The following IRAG2 variants were observed in gnomAD, a reference collection of about 807,000 sequenced individuals.
IRAG2 encodes inositol 1,4,5-triphosphate receptor associated 2, also known as lymphoid restricted membrane protein.
IRAG2 carries 45 observed loss-of-function variants against 69.9 expected under a neutral mutation model. The ratio of observed to expected loss-of-function variants is 0.64; its 90% CI spans 0.51 to 0.83. The LOEUF (loss-of-function observed/expected upper bound fraction) is 0.83. Among genes scored for constraint, IRAG2 ranks in the 40% least tolerant of loss-of-function variants. The pLI, the probability that IRAG2 is intolerant of heterozygous loss-of-function variation, is 0.00. For missense variants in IRAG2, 520 were observed against 587.0 expected (o/e 0.89, Z 1.18); for synonymous variants, 193 against 202.4 (o/e 0.95, Z 0.40).
At chr12:25,055,045 A>G (rs1016095557) in intron 1 of IRAG2, among the ~76,000 whole-genome samples, 1 of 152,222 alleles carries the variant, frequency 6.6e-6, no homozygotes, top group Non-Finnish European at 1.5e-5. Flanking sequence ...GCTTTTCTGA[A>G]ACTCTCTGGC....
chr12:25,108,008 A>G lies in IRAG2; in HGVS notation c.1448A>G (p.His483Arg), dbSNP rs748286354. Residue 483 changes from histidine to arginine, a missense_variant, in exon 22 of 22, where the codon CAT becomes CGT. His to Arg is a conservative substitution (Grantham distance 29). Coordinates refer to ENST00000556887, the MANE Select transcript of IRAG2 (RefSeq NM_001366544.2). ...QQEDSWTSLE[H>R]ILWPFTRLRH... ...GAGGACTCATGGACGTCTCTAGAAC[A>G]TATCTTGTGGCCATTTACCAGACTC... The G allele has an allele frequency of 5.0e-6, 8 of 1,613,742 alleles. No individual in the cohort carries two copies. The highest frequency in any genetic ancestry group is 1.1e-5 in the South Asian group (1 of 91,076).
chr12:25,031,853 G>A (rs147579826), intron 10 of IRAG2, among the ~76,000 whole-genome samples: 722 of 152,196 alleles, frequency 4.7e-3, no homozygotes, highest in Middle Eastern at 0.027. Context: ...GTAGAGACAG[G>A]GTTTCCCCAT....
chr12:25,080,620 G>A (rs906306407), intron 9 of IRAG2, among the ~76,000 whole-genome samples: 3 of 152,042 alleles, frequency 2.0e-5, no homozygotes, highest in Non-Finnish European at 4.4e-5. Context: ...CCAAAATGTT[G>A]GGATTACAGG....
At chr12:25,085,418 C>A (rs1305236692) in intron 10 of IRAG2, among the ~76,000 whole-genome samples, 1 of 152,172 alleles carries the variant, frequency 6.6e-6, no homozygotes, top group Non-Finnish European at 1.5e-5. Context: ...CTGCCCCAGG[C>A]TAAACTCCCC....
chr12:25,107,066 G>T lies in IRAG2; in HGVS notation c.1256+16G>T. 2 of 1,409,116 alleles carry T rather than the reference G, an allele frequency of 1.4e-6. No individual in the cohort carries two copies. The highest frequency in any genetic ancestry group is 2.4e-5 in the South Asian group (2 of 83,156). 87.3% of individuals were successfully genotyped at this position (1,409,116 alleles called of 1,614,324 possible). ...TCTCTTCAGTGTAAGTTATCTACTT[G>T]ATAAATTCTACCATTTTAGTGGAAT... On this transcript the variant is annotated intron_variant, in intron 21 of 21. Coordinates refer to ENST00000556887, the MANE Select transcript of IRAG2 (RefSeq NM_001366544.2).
intron 7 of IRAG2, among the ~76,000 whole-genome samples, chr12:25,022,829 A>T (rs61505334): frequency 6.6e-6 from 1 of 152,236 alleles, no homozygotes; most frequent in Non-Finnish European, 1.5e-5. Context: ...TCAATTTTTT[A>T]AAAAATGGTA....
intron 10 of IRAG2, among the ~76,000 whole-genome samples, chr12:25,084,986 C>G (rs999346183): frequency 4.6e-5 from 7 of 152,242 alleles, no homozygotes; most frequent in African/African-American, 1.4e-4. Flanking sequence ...CTAGGGGGAA[C>G]ATGCAGACCA....
At chr12:25,034,230 C>T (rs1426880517) in intron 13 of IRAG2, among the ~76,000 whole-genome samples, 1 of 152,182 alleles carries the variant, frequency 6.6e-6, no homozygotes, top group Non-Finnish European at 1.5e-5. Flanking sequence ...AGACTACCTG[C>T]CCTGATTCCC....
intron 2 of IRAG2, among the ~76,000 whole-genome samples, chr12:25,009,710 T>G (rs552290763): frequency 3.8e-4 from 58 of 151,940 alleles, no homozygotes; most frequent in African/African-American, 1.2e-3. Flanking sequence ...TCCACAGGCC[T>G]AAGAACCAGG....
At chr12:25,057,419 T>C (rs982069165) in intron 1 of IRAG2, among the ~76,000 whole-genome samples, 2 of 151,216 alleles carry the variant, frequency 1.3e-5, no homozygotes. Context: ...CCACTATGCC[T>C]GGCTAATTTT....
rs111646546 is a variant in IRAG2, at chr12:25,080,312, TA to T, written c.244+558del. On this transcript the variant is annotated intron_variant, in intron 9 of 21. Transcript: ENST00000556887. ...TGGGAGGAATAGGCTCTAATTCCCA[TA>T]AAAAAAAATCAATCAAGGAAAATTC... 9.0e-3 allele frequency among the ~76,000 whole-genome samples: 1,339 copies of T among 149,204 alleles called. 18 individuals are homozygous for T. The highest frequency in any genetic ancestry group is 0.031 in the African/African-American group (1,248 of 40,716).
intron 2 of IRAG2, among the ~76,000 whole-genome samples, chr12:25,009,899 G>A (rs1011830662): frequency 2.0e-5 from 3 of 152,182 alleles, no homozygotes; most frequent in African/African-American, 7.2e-5. Context: ...GTTCTATTCA[G>A]GCCTTCAACT....
At chr12:25,097,171 T>G in intron 15 of IRAG2, 127 bp downstream of exon 15, 1 of 801,496 alleles carries the variant, frequency 1.2e-6, no homozygotes, top group Non-Finnish European at 1.9e-6. Context: ...GACATATGCG[T>G]TTAATACATA....
intron 15 of IRAG2, chr12:25,097,419 C>G (rs190416437): frequency 1.8e-4 from 28 of 155,956 alleles, no homozygotes; most frequent in Admixed American, 8.4e-4. Flanking sequence ...TGGTATTCTA[C>G]TGGTTGAGTA....
intron 15 of IRAG2, among the ~76,000 whole-genome samples, chr12:25,037,744 C>A (rs904281823): frequency 3.3e-5 from 5 of 152,188 alleles, no homozygotes; most frequent in Non-Finnish European, 7.3e-5. Context: ...ACATAATAGG[C>A]ACTTTATACA....
chr12:25,050,895 C>T (rs1253972132), upstream of IRAG2, among the ~76,000 whole-genome samples: 2 of 130,370 alleles, frequency 1.5e-5, no homozygotes, highest in Non-Finnish European at 3.6e-5. Context: ...AAATACTGCA[C>T]GATCCCACTT....
intron 13 of IRAG2, among the ~76,000 whole-genome samples, chr12:25,035,007 A>G (rs1944692816): frequency 6.6e-6 from 1 of 152,230 alleles, no homozygotes; most frequent in Non-Finnish European, 1.5e-5. Context: ...CCTCTGAGAT[A>G]ATAATGATGT....
chr12:25,011,572 A>T (rs1474935661), intron 3 of IRAG2: 4 of 1,213,654 alleles, frequency 3.3e-6, no homozygotes, highest in Non-Finnish European at 4.1e-6. Context: ...TCCTAGTGGG[A>T]TGCAGTTTAA....
intron 16 of IRAG2, among the ~76,000 whole-genome samples, chr12:25,039,540 C>G (rs1476606675): frequency 6.6e-6 from 1 of 152,202 alleles, no homozygotes; most frequent in East Asian, 1.9e-4. Flanking sequence ...AGGCCATTCT[C>G]CTGCCTCAGC....
Sources: gnomAD v4.1 joint callset for allele counts (sites outside exome capture counted in the v4.1 genomes callset) on GRCh38, gnomAD v4.1.1 for gene constraint, MANE v1.5 for transcripts, NCBI Gene and HGNC (gene_info 2026-07-23, HGNC 2026-07-21) for gene names.